The following FKBP8 variants were observed in gnomAD, a reference collection of about 807,000 sequenced individuals.
FKBP8 encodes peptidyl-prolyl cis-trans isomerase FKBP8.
Under a neutral mutation model 41.7 loss-of-function variants are expected in FKBP8, and 5 were observed. That is an observed-to-expected ratio of 0.12 (90% CI 0.06 to 0.25). The LOEUF is 0.25. Ranked by LOEUF, FKBP8 falls within the 10% of genes least tolerant of loss-of-function variation. The probability of loss-of-function intolerance (pLI) is 1.00; values close to 1 mark genes in which losing one functional copy is unlikely to be tolerated. For missense variants in FKBP8, 397 were observed against 563.0 expected, an observed-to-expected ratio of 0.71 and a Z score of 2.98; for synonymous variants, 279 against 254.5, an observed-to-expected ratio of 1.10 and a Z score of -0.92.
intron 1 of FKBP8, chr19:18,542,265 G>A (rs1402398557): frequency 5.3e-6 from 2 of 378,308 alleles, no homozygotes; most frequent in Non-Finnish European, 9.5e-6. Context: ...CAGGAAGTAG[G>A]GAAGATTCCC....
In FKBP8 at chr19:18,539,268, T is replaced by C. The variant is rs73529531; in HGVS notation, c.551+103A>G. ...GCCACCTCACCCAGCCTCAGTTTCT[T>C]GTCTATAAAATGGGCAAGTAGATGG... On this transcript the variant is annotated intron_variant, in intron 4 of 8. Coordinates refer to ENST00000608443, the MANE Select transcript of FKBP8 (RefSeq NM_012181.5). 12,948 of 1,058,204 alleles carry C rather than the reference T, an allele frequency of 0.012. 1,038 individuals carry two copies. In the African/African-American group the frequency reaches 0.17, roughly 14 times the overall value. The allele number at this position is 1,058,204 out of a possible 1,614,324, so 65.6% of individuals were successfully genotyped here.
chr19:18,531,794 G>A lies in FKBP8; in HGVS notation c.*375C>T, dbSNP rs1442189175. 1.2e-5 allele frequency: 3 copies of A among 244,460 alleles called. No individual in the cohort carries two copies. Among genetic ancestry groups the A allele is most frequent in the Non-Finnish European group, 2.5e-5 (3 of 121,452 alleles). 15.1% of individuals were successfully genotyped at this position (244,460 alleles called of 1,614,324 possible). ...GTGGGATGCTTTATTTCACTGTGGC[G>A]GGGAGGGAACCTGGACAGGGGGCGG... On this transcript the variant is annotated 3_prime_UTR_variant, in exon 9 of 9. Coordinates refer to ENST00000608443, the MANE Select transcript of FKBP8 (RefSeq NM_012181.5).
rs572895795 is a variant in FKBP8 at position 18,538,532 on chromosome 19, C to T, written c.552-96G>A. On this transcript the variant is annotated intron_variant, in intron 4 of 8. Coordinates refer to ENST00000608443, the MANE Select transcript of FKBP8 (RefSeq NM_012181.5). The surrounding 1 kb of genome is among the most constrained non-coding windows in gnomAD (Gnocchi z 4.0). ...AAGGAGTGAGCTTGGCTCAAGCCCC[C>T]GATCTGTCTCCCCTCTGCCCTCCAT... The T allele has an allele frequency of 2.2e-5, 22 of 988,950 alleles. No homozygotes were observed. In the East Asian group the frequency reaches 3.1e-4, roughly 14 times the overall value. 61.3% of individuals were successfully genotyped at this position (988,950 alleles called of 1,614,324 possible).
rs1437565472 is a variant in FKBP8 at position 18,541,909 on chromosome 19, A to G, written c.62T>C (p.Leu21Pro). ...CCCATCCAGTACCTCGAAGTCCTCG[A>G]GCGGTGGGACCCCGGCGGGCAGTGG... ...SAPLPAGVPP[L>P]EDFEVLDGVE... The change falls in exon 2 of 9, where the codon CTC (leucine) becomes CCC (proline). Residue 21 changes from leucine (L) to proline (P), a missense_variant. Around this residue, in one of 2 missense-constraint regions of FKBP8, gnomAD observed 172 missense variants for 196.2 expected, o/e 0.88. Coordinates refer to ENST00000608443, the MANE Select transcript of FKBP8 (RefSeq NM_012181.5). 18 of 1,613,948 alleles carry G rather than the reference A, an allele frequency of 1.1e-5. No homozygotes were observed. The highest frequency in any genetic ancestry group is 1.4e-5 in the Non-Finnish European group (17 of 1,179,954).
rs748184888 is a variant in FKBP8, at chr19:18,539,763, A to C, written c.293-43T>G. The C allele has an allele frequency of 1.4e-5, 22 of 1,595,758 alleles. No homozygotes were observed. In the South Asian group the frequency reaches 2.0e-4, roughly 14 times the overall value. On this transcript the variant is annotated intron_variant, in intron 2 of 8. Transcript: ENST00000608443. ...CATGCAGCCTGTCACCTGGCAGCTC[A>C]AACAGGCACCCGCTCCCCTGAGCCC...
In FKBP8 at chr19:18,538,051, C is replaced by T. The variant is rs1600534815; in HGVS notation, c.772+165G>A. On this transcript the variant is annotated intron_variant, in intron 5 of 8. Transcript: ENST00000608443. This position sits in a 1 kb window ranked among gnomAD's most constrained non-coding sequence, Gnocchi z 4.0. Reference sequence around the variant, plus strand: ...CAACACTCCACTGGTCTGGGATATACCACGAGTCTGTAACAGGCCCTAGCT... The same window carrying T: ...CAACACTCCACTGGTCTGGGATATATCACGAGTCTGTAACAGGCCCTAGCT... 1.3e-6 allele frequency: 1 copy of T among 783,772 alleles called. No homozygotes were observed. The highest frequency in any genetic ancestry group is 1.7e-5 in the African/African-American group (1 of 57,668). The allele number at this position is 783,772 out of a possible 1,614,324, so 48.6% of individuals were successfully genotyped here. A position where few individuals can be genotyped will look rare whatever the true frequency, so the allele number is the denominator to read the frequency against.
rs1976653808 is a variant in FKBP8, at chr19:18,539,562, C to T, written c.451G>A (p.Asp151Asn). 1 of 1,612,974 alleles carries T rather than the reference C, an allele frequency of 6.2e-7. No individual in the cohort carries two copies. Among genetic ancestry groups the T allele is most frequent in the Non-Finnish European group, 8.5e-7 (1 of 1,180,008 alleles). The part of the protein sequence containing the change: ...PELVFTLGDC[D>N]VIQALDLSVP... ...GCCCCAGCCCGCACCTGGATGACGT[C>T]ACAGTCACCCAGAGTGAACACCAGC... Residue 151 changes from aspartate (D) to asparagine (N), a missense_variant, in exon 3 of 9, where the codon GAC (aspartate) becomes AAC (asparagine). Physicochemically the swap from Asp to Asn is conservative, Grantham distance 23. Transcript: ENST00000608443.
chr19:18,536,275 A>G (rs1032142419), intron 6 of FKBP8: 10 of 152,140 alleles, frequency 6.6e-5, no homozygotes, highest in African/African-American at 2.4e-4. Context: ...GGCTGTGAGG[A>G]TGAACAGAAA....
intron 7 of FKBP8, 53 bp downstream of exon 7, chr19:18,533,217 G>T: frequency 6.8e-7 from 1 of 1,470,646 alleles, no homozygotes. Context: ...GGGGCAGACC[G>T]CAGGAGGGAC....
chr19:18,539,682 G>A lies in FKBP8; in HGVS notation c.331C>T (p.Pro111Ser), dbSNP rs1466166801. 6.2e-7 allele frequency: 1 copy of A among 1,610,382 alleles called. No homozygotes were observed. The highest frequency in any genetic ancestry group is 8.5e-7 in the Non-Finnish European group (1 of 1,179,998). The stretch of plus-strand genomic sequence containing the variant: ...TTGACCGGGCGGCTCGAACCTGGCG[G>A]CCCTGGGACCAGCGTCTTCTTCCTC... ...LLRKKTLVPG[P>S]PGSSRPVKGQ... is the part of the protein sequence containing the mutation. Residue 111 changes from proline to serine, a missense_variant, in exon 3 of 9, where the codon CCG (proline) becomes TCG (serine). Pro to Ser is a moderately conservative substitution (Grantham distance 74). Coordinates refer to ENST00000608443, the MANE Select transcript of FKBP8 (RefSeq NM_012181.5).
intron 8 of FKBP8, 180 bp downstream of exon 8, chr19:18,532,484 C>T: frequency 9.6e-7 from 1 of 1,039,862 alleles, no homozygotes; most frequent in Non-Finnish European, 1.4e-6. Flanking sequence ...CCACCCCCAG[C>T]CCTCCAGCTT....
intron 6 of FKBP8, among the ~76,000 whole-genome samples, chr19:18,535,628 T>C (rs1976555067): frequency 6.7e-6 from 1 of 150,260 alleles, no homozygotes; most frequent in South Asian, 2.1e-4. Flanking sequence ...AAAAAAAGGC[T>C]GGATGTGCTC....
intron 7 of FKBP8, 53 bp from the exon 8 acceptor site, chr19:18,532,848 G>GGC: frequency 6.2e-7 from 1 of 1,601,460 alleles, no homozygotes; most frequent in Non-Finnish European, 8.5e-7. Flanking sequence ...TGTCATCACT[G>GGC]GCGCTCTGCC....
Position 18,539,425 on chromosome 19 carries a change from C to T in FKBP8, c.497G>A (p.Gly166Glu). ...GTCAGCAGTGACCATGGCCGTCTCC[C>T]CCACGTCCATGAGTGGGACACTGAG... is the stretch of plus-strand genomic sequence containing the variant. ...LDLSVPLMDV[G>E]ETAMVTADSK... Residue 166 changes from glycine to glutamate, a missense_variant, in exon 4 of 9, where the codon GGG (glycine) becomes GAG (glutamate). Transcript: ENST00000608443. The T allele has an allele frequency of 6.2e-7, 1 of 1,613,828 alleles. No individual in the cohort carries two copies. Among genetic ancestry groups the T allele is most frequent in the Non-Finnish European group, 8.5e-7 (1 of 1,180,010 alleles).
Position 18,532,147 on chromosome 19 carries a change from G to T in FKBP8, c.*22C>A, listed in dbSNP as rs762295462. 6.4e-7 allele frequency: 1 copy of T among 1,567,614 alleles called. No homozygotes were observed. The highest frequency in any genetic ancestry group is 8.7e-7 in the Non-Finnish European group (1 of 1,155,528). On this transcript the variant is annotated 3_prime_UTR_variant, in exon 9 of 9. Coordinates refer to ENST00000608443, the MANE Select transcript of FKBP8 (RefSeq NM_012181.5). ...AGGGCAGGGTCCATGGTGTGCAGAG[G>T]GGGTGGCAGCCACCTAGGTGGTCAG... is the stretch of plus-strand genomic sequence containing the variant.
At chr19:18,533,045 G>A (rs1976485418) in intron 7 of FKBP8, 1 of 698,522 alleles carries the variant, frequency 1.4e-6, no homozygotes, top group Non-Finnish European at 2.3e-6. Context: ...ACACTGGCAT[G>A]GAGCAGGCTG....
intron 1 of FKBP8, chr19:18,542,995 C>T: frequency 1.1e-6 from 1 of 926,308 alleles, no homozygotes; most frequent in Non-Finnish European, 1.4e-6. Context: ...CACCCCCCAC[C>T]CCAACCACCA....
intron 7 of FKBP8, 108 bp from the exon 8 acceptor site, chr19:18,532,903 CAG>C: frequency 6.6e-7 from 1 of 1,518,106 alleles, no homozygotes; most frequent in South Asian, 1.3e-5. Flanking sequence ...TGTTGGGACA[CAG>C]GGGTCCCATC....
chr19:18,532,013 C>T lies in FKBP8; in HGVS notation c.*156G>A, dbSNP rs528507244. 1.2e-4 allele frequency: 83 copies of T among 668,440 alleles called. No homozygotes were observed. The African/African-American group carries it at 1.3e-3, about 10-fold the overall frequency. 41.4% of individuals were successfully genotyped at this position (668,440 alleles called of 1,614,324 possible). On this transcript the variant is annotated 3_prime_UTR_variant, in exon 9 of 9. Coordinates refer to ENST00000608443, the MANE Select transcript of FKBP8 (RefSeq NM_012181.5). ...CTTTCCTCCTAGAGGGCCTCAGTCC[C>T]TCCTGCTGGCTGGGCTGCACGACCC... is the stretch of plus-strand genomic sequence containing the variant.
Sources: gnomAD v4.1 joint callset for allele counts (sites outside exome capture counted in the v4.1 genomes callset) on GRCh38, gnomAD v4.1.1 for gene constraint, gnomAD v4.1.1 regional missense constraint, Gnocchi (gnomAD v3.1) non-coding constraint, MANE v1.5 for transcripts, NCBI Gene and HGNC (gene_info 2026-07-23, HGNC 2026-07-21) for gene names.